EPHA3: variants seen among roughly 807,000 people sequenced by gnomAD.
EPHA3 encodes EPH receptor A3.
EPHA3 carries 42 observed loss-of-function variants against 107.1 expected under a neutral mutation model. The observed-to-expected ratio is 0.39, with a 90% CI of 0.31 to 0.51. The LOEUF is 0.51. Ranked by LOEUF, EPHA3 falls within the 20% of genes least tolerant of loss-of-function variation. EPHA3 has a pLI of 0.78. For missense variants in EPHA3, 1,183 were observed against 1,211.2 expected, an observed-to-expected ratio of 0.98 and a Z score of 0.35; for synonymous variants, 461 against 424.8, an observed-to-expected ratio of 1.09 and a Z score of -1.05.
At chr3:89,303,464 G>T (rs1227890404) in intron 3 of EPHA3, among the ~76,000 whole-genome samples, 1 of 147,906 alleles carries the variant, frequency 6.8e-6, no homozygotes, top group Non-Finnish European at 1.5e-5. Flanking sequence ...AAAAGAAGAG[G>T]AAGAAAATAA....
chr3:89,308,092 G>T (rs1392763685), intron 3 of EPHA3, among the ~76,000 whole-genome samples: 1 of 152,044 alleles, frequency 6.6e-6, no homozygotes, highest in Non-Finnish European at 1.5e-5. Context: ...TGCCAATTAA[G>T]CAACCATTAA....
rs1387909366 is a variant in EPHA3, at chr3:89,429,842, C to T, written c.2136+675C>T. On this transcript the variant is annotated intron_variant, in intron 12 of 16. Transcript: ENST00000336596. The stretch of plus-strand genomic sequence containing the variant: ...GCAATGGTGCAATCTTGGCTCACTG[C>T]AATCCCCGCCTGCTGGGTTCAAGTG... Among the ~76,000 whole-genome samples the T allele has an allele frequency of 2.0e-5, 3 of 152,070 alleles. No homozygotes were observed. The South Asian group carries it at 6.2e-4, about 31-fold the overall frequency.
intron 15 of EPHA3, among the ~76,000 whole-genome samples, chr3:89,461,329 T>G (rs1464515302): frequency 0.022 from 1,482 of 66,324 alleles, 2 homozygotes; most frequent in Middle Eastern, 0.048. Context: ...TATACTCATT[T>G]GGGTATATAC....
At chr3:89,183,307 A>G (rs1705486833) in intron 2 of EPHA3, among the ~76,000 whole-genome samples, 1 of 151,942 alleles carries the variant, frequency 6.6e-6, no homozygotes, top group South Asian at 2.1e-4. Flanking sequence ...CCACTGTCTC[A>G]CATGCTTCAT....
intron 15 of EPHA3, among the ~76,000 whole-genome samples, chr3:89,455,985 G>C (rs183329423): frequency 1.3e-5 from 2 of 152,042 alleles, no homozygotes; most frequent in Non-Finnish European, 2.9e-5. Flanking sequence ...TGCTTCTCTC[G>C]TATTACCAGT....
rs895599691 is a variant in EPHA3, at chr3:89,258,661, G to A, written c.814+48141G>A. Among the ~76,000 whole-genome samples the A allele has an allele frequency of 3.3e-5, 5 of 152,144 alleles. 1 individual carries two copies. Among genetic ancestry groups the A allele is most frequent in the Admixed American group, 1.3e-4 (2 of 15,262 alleles). On this transcript the variant is annotated intron_variant, in intron 3 of 16. Coordinates refer to ENST00000336596, the MANE Select transcript of EPHA3 (RefSeq NM_005233.6). ...TATTCTTTTAACATTCTATAGATTTGAATTAAGTACGAAAACAAAAGAAAT... is the reference window on the plus strand; with the variant it reads ...TATTCTTTTAACATTCTATAGATTTAAATTAAGTACGAAAACAAAAGAAAT...
In EPHA3 at chr3:89,367,529, A is replaced by C. The variant is rs1198209915; in HGVS notation, c.1306+25439A>C. On this transcript the variant is annotated intron_variant, in intron 5 of 16. Coordinates refer to ENST00000336596, the MANE Select transcript of EPHA3 (RefSeq NM_005233.6). The stretch of plus-strand genomic sequence containing the variant: ...ATCACATTAGCATATAGTTTCAATC[A>C]CATAACTTAGCTCCTTTAAATAGTG... Among the ~76,000 whole-genome samples the C allele has an allele frequency of 1.3e-5, 2 of 150,750 alleles. 1 individual carries two copies. The highest frequency in any genetic ancestry group is 3.0e-5 in the Non-Finnish European group (2 of 67,282).
At chr3:89,368,240 G>A (rs112541180) in intron 5 of EPHA3, among the ~76,000 whole-genome samples, 1 of 150,088 alleles carries the variant, frequency 6.7e-6, no homozygotes, top group African/African-American at 2.4e-5. Context: ...AAATTTGGGG[G>A]CAGAATTTAG....
At chr3:89,156,621 G>T (rs1051584655) in intron 2 of EPHA3, among the ~76,000 whole-genome samples, 2 of 151,872 alleles carry the variant, frequency 1.3e-5, no homozygotes, top group African/African-American at 4.8e-5. Flanking sequence ...TCAAGCGTTT[G>T]CCATTTTTTT....
At chr3:89,346,745 T>C (rs922517006) in intron 5 of EPHA3, among the ~76,000 whole-genome samples, 149 of 149,152 alleles carry the variant, frequency 1.0e-3, no homozygotes, top group African/African-American at 3.4e-3. Flanking sequence ...GTTTTTATGG[T>C]TTTAGGTCTA....
Position 89,470,139 on chromosome 3 carries a change from T to C in EPHA3, c.2691-2325T>C, listed in dbSNP as rs900427403. On this transcript the variant is annotated intron_variant, in intron 15 of 16. Transcript: ENST00000336596. ...ATGAAAAAAATCACAGACAGCAGAA[T>C]AGCACTTCTGTTTTCAAGCATTTGC... Among the ~76,000 whole-genome samples, 5 of 151,938 alleles carry C rather than the reference T, an allele frequency of 3.3e-5. 1 individual carries two copies. Among genetic ancestry groups the C allele is most frequent in the Admixed American group, 1.3e-4 (2 of 15,254 alleles).
chr3:89,429,498 T>A (rs1246597952), intron 12 of EPHA3, among the ~76,000 whole-genome samples: 1 of 152,184 alleles, frequency 6.6e-6, no homozygotes, highest in Non-Finnish European at 1.5e-5. Flanking sequence ...GTCTCTTTTT[T>A]AAGTAATCTC....
intron 2 of EPHA3, among the ~76,000 whole-genome samples, chr3:89,134,127 A>G (rs1381637848): frequency 1.3e-5 from 2 of 151,836 alleles, no homozygotes; most frequent in Admixed American, 6.6e-5. Context: ...CAGAATGGTC[A>G]ACTTTGAGTT....
At chr3:89,431,905 A>G (rs1195031959) in intron 13 of EPHA3, among the ~76,000 whole-genome samples, 1 of 152,140 alleles carries the variant, frequency 6.6e-6, no homozygotes. Context: ...TTGTTCATGA[A>G]TATATTATTT....
chr3:89,420,636 A>C (rs1395428885), intron 11 of EPHA3, among the ~76,000 whole-genome samples: 2 of 151,500 alleles, frequency 1.3e-5, no homozygotes, highest in African/African-American at 2.4e-5. Flanking sequence ...AGGATTGGGA[A>C]AGTGTATGAA....
intron 3 of EPHA3, among the ~76,000 whole-genome samples, chr3:89,250,884 A>C (rs1230496722): frequency 6.6e-6 from 1 of 152,212 alleles, no homozygotes; most frequent in Non-Finnish European, 1.5e-5. Flanking sequence ...GCTTGGTGAT[A>C]TCTTTCTATA....
At chr3:89,325,921 TTAAGA>T (rs1707155009) in intron 3 of EPHA3, among the ~76,000 whole-genome samples, 1 of 151,204 alleles carries the variant, frequency 6.6e-6, no homozygotes, top group African/African-American at 2.4e-5. Context: ...TTATATACAG[TTAAGA>T]TATTATACAT....
intron 3 of EPHA3, among the ~76,000 whole-genome samples, chr3:89,218,973 T>A (rs1461207576): frequency 6.6e-6 from 1 of 152,124 alleles, no homozygotes; most frequent in Non-Finnish European, 1.5e-5. Context: ...AAAGGAGATA[T>A]GAACTGAATC....
intron 2 of EPHA3, among the ~76,000 whole-genome samples, chr3:89,164,862 A>G (rs1350988862): frequency 1.3e-5 from 2 of 152,222 alleles, no homozygotes; most frequent in Non-Finnish European, 2.9e-5. Flanking sequence ...AAATGAAATT[A>G]TCTGATAATA....
Sources: allele counts gnomAD v4.1 joint callset (sites outside exome capture counted in the v4.1 genomes callset), GRCh38; gene constraint gnomAD v4.1.1; transcripts MANE v1.5; gene names NCBI Gene and HGNC (gene_info 2026-07-23, HGNC 2026-07-21).